Variants in CTBP2 observed in about 807,000 individuals in gnomAD.
CTBP2 encodes C-terminal-binding protein 2.
Under a neutral mutation model 80.3 loss-of-function variants are expected in CTBP2, and 30 were observed. The ratio of observed to expected loss-of-function variants is 0.37; its 90% CI spans 0.28 to 0.51. CTBP2 has a LOEUF of 0.51. CTBP2 is among the 20% of genes least tolerant of loss of function. The probability of loss-of-function intolerance (pLI) is 0.93; values close to 1 mark genes in which losing one functional copy is unlikely to be tolerated. For synonymous variants in CTBP2, 594 were observed against 587.4 expected, an observed-to-expected ratio of 1.01 and a Z score of -0.16; for missense variants, 1,212 against 1,375.3, an observed-to-expected ratio of 0.88 and a Z score of 1.88.
At chr10:125,101,656 TCACGAC>T (rs1850642122) in intron 2 of CTBP2, among the ~76,000 whole-genome samples, 2 of 152,148 alleles carry the variant, frequency 1.3e-5, no homozygotes, top group Non-Finnish European at 2.9e-5. Flanking sequence ...CAGCAGACCT[TCACGAC>T]CAAGAAAGGT....
intron 1 of CTBP2, among the ~76,000 whole-genome samples, chr10:125,115,814 A>G (rs58308339): frequency 0.1 from 15,728 of 152,192 alleles, 1,161 homozygotes; most frequent in African/African-American, 0.2. Context: ...ATCCTGTGGT[A>G]TGGCTGTGCT....
At position 124,987,913 on chromosome 10, in the gene CTBP2, A is replaced by G. The variant is rs1361817814; in HGVS notation, c.*1605T>C. The G allele has an allele frequency of 6.6e-6, 1 of 152,454 alleles. No homozygotes were observed. Among genetic ancestry groups the G allele is most frequent in the Non-Finnish European group, 1.5e-5 (1 of 68,034 alleles). The allele number at this position is 152,454 out of a possible 1,614,324, so 9.4% of individuals were successfully genotyped here. A position where few individuals can be genotyped will look rare whatever the true frequency, so the allele number is the denominator to read the frequency against. On this transcript the variant is annotated 3_prime_UTR_variant, in exon 9 of 9. Transcript: ENST00000309035. ...ATCCATTAAATCAAGCTCTTAACTC[A>G]TGGGACTATTTGCAACACTTCTTTG...
At chr10:125,041,134 T>C (rs1391917253) in intron 2 of CTBP2, among the ~76,000 whole-genome samples, 3 of 152,348 alleles carry the variant, frequency 2.0e-5, no homozygotes, top group Middle Eastern at 3.4e-3. Context: ...CAGGCTGGAA[T>C]GCAGGGGCAA....
At chr10:125,093,445 C>T (rs1849082672) in intron 2 of CTBP2, among the ~76,000 whole-genome samples, 1 of 152,172 alleles carries the variant, frequency 6.6e-6, no homozygotes, top group Non-Finnish European at 1.5e-5. Context: ...GCAGATTTTC[C>T]ACATTAAAAG....
chr10:125,003,705 G>A (rs957846539), intron 1 of CTBP2, among the ~76,000 whole-genome samples: 5 of 151,858 alleles, frequency 3.3e-5, no homozygotes, highest in African/African-American at 1.2e-4. Context: ...GGCTGGAGAC[G>A]CACACGGCTG....
Position 125,024,335 on chromosome 10 carries a change from G to A in CTBP2, c.1678+1747C>T, listed in dbSNP as rs950319096. Among the ~76,000 whole-genome samples, 9 of 152,192 alleles carry A rather than the reference G, an allele frequency of 5.9e-5. No homozygotes were observed. The East Asian group carries it at 1.5e-3, about 26-fold the overall frequency. On this transcript the variant is annotated intron_variant, in intron 1 of 8. Coordinates refer to ENST00000309035, the MANE Select transcript of CTBP2 (RefSeq NM_022802.3). ...ATTTAACAGAGACATTTGATTTGCT[G>A]GCTGGCTTCTGCCTGCAGACTTCCC... is the stretch of plus-strand genomic sequence containing the variant.
intron 2 of CTBP2, among the ~76,000 whole-genome samples, chr10:125,108,226 G>A (rs1456541531): frequency 2.0e-5 from 3 of 152,346 alleles, no homozygotes; most frequent in Non-Finnish European, 1.5e-5. Flanking sequence ...GGAGAAGGCT[G>A]AAGTGTTTGA....
At chr10:125,008,080 G>A (rs1176586007) in intron 1 of CTBP2, among the ~76,000 whole-genome samples, 1 of 152,098 alleles carries the variant, frequency 6.6e-6, no homozygotes. Context: ...CCAAATAGCT[G>A]AGACTACAGG....
intron 2 of CTBP2, among the ~76,000 whole-genome samples, chr10:125,046,494 C>A: frequency 6.8e-6 from 1 of 147,082 alleles, no homozygotes; most frequent in Admixed American, 7.0e-5. Flanking sequence ...GCTGAGATCC[C>A]GCCACTGCAC....
chr10:125,023,883 A>C (rs1957292641), intron 1 of CTBP2, among the ~76,000 whole-genome samples: 1 of 152,214 alleles, frequency 6.6e-6, no homozygotes, highest in East Asian at 1.9e-4. Context: ...CCCATCCCGA[A>C]GGGGAGAAGA....
chr10:125,026,014 T>A, intron 1 of CTBP2: 2 of 1,513,500 alleles, frequency 1.3e-6, no homozygotes, highest in East Asian at 2.3e-5. Flanking sequence ...ATGTTCAAAC[T>A]TCTACAACCC....
rs1033228511 is a variant in CTBP2, at chr10:125,048,004, C to T, written c.-101-8849G>A. Among the ~76,000 whole-genome samples, 29 of 152,284 alleles carry T rather than the reference C, an allele frequency of 1.9e-4. 1 individual carries two copies. The highest frequency in any genetic ancestry group is 1.8e-3 in the Admixed American group (28 of 15,306). On this transcript the variant is annotated intron_variant, in intron 2 of 10. Coordinates refer to the CTBP2 transcript ENST00000337195. The stretch of plus-strand genomic sequence containing the variant: ...CCTCAGAGAGGCCTGGAATCCTCGA[C>T]TGATTTTATGGGGCCTCTACTGTCC...
intron 1 of CTBP2, among the ~76,000 whole-genome samples, chr10:125,148,356 C>A (rs1345321628): frequency 6.6e-6 from 1 of 152,170 alleles, no homozygotes; most frequent in South Asian, 2.1e-4. Context: ...CAGCTACAGG[C>A]GTGACCAAAA....
intron 2 of CTBP2, among the ~76,000 whole-genome samples, chr10:125,052,607 G>A (rs1414494891): frequency 6.6e-6 from 1 of 152,184 alleles, no homozygotes; most frequent in African/African-American, 2.4e-5. Flanking sequence ...ATCCCCACAC[G>A]GCCCACAGAG....
chr10:125,158,215 C>T (rs1034341369), intron 1 of CTBP2, among the ~76,000 whole-genome samples: 1 of 151,978 alleles, frequency 6.6e-6, no homozygotes, highest in Non-Finnish European at 1.5e-5. Context: ...ATGAAAACTA[C>T]CCACTTCTAC....
chr10:125,104,539 A>G (rs1851162658), intron 2 of CTBP2, among the ~76,000 whole-genome samples: 1 of 152,206 alleles, frequency 6.6e-6, no homozygotes, highest in Non-Finnish European at 1.5e-5. Context: ...TTCTCAGGAT[A>G]AGTGCAGAAA....
At chr10:125,135,956 C>T (rs1002597238) in intron 1 of CTBP2, among the ~76,000 whole-genome samples, 2 of 152,228 alleles carry the variant, frequency 1.3e-5, no homozygotes, top group Non-Finnish European at 2.9e-5. Flanking sequence ...CCATCCCTTC[C>T]GGCCCACGAG....
At position 125,042,656 on chromosome 10, in the gene CTBP2, A is replaced by G. The variant is rs71488641; in HGVS notation, c.-101-3501T>C. Among the ~76,000 whole-genome samples, 477 of 152,150 alleles carry G rather than the reference A, an allele frequency of 3.1e-3. 5 individuals are homozygous for G. The highest frequency in any genetic ancestry group is 0.024 in the Middle Eastern group (7 of 294). On this transcript the variant is annotated intron_variant, in intron 2 of 10. Transcript: ENST00000337195. ...ATGGGATGTCACTGTGATGTCCCAG[A>G]GTGGCAGTGAGGACCAGCCAGTGAG...
chr10:125,079,661 G>A (rs1470355751), intron 2 of CTBP2, among the ~76,000 whole-genome samples: 1 of 152,166 alleles, frequency 6.6e-6, no homozygotes, highest in South Asian at 2.1e-4. Context: ...GTCCCAATAT[G>A]GACTAAATAA....
Sources: gnomAD v4.1 joint callset for allele counts (sites outside exome capture counted in the v4.1 genomes callset) on GRCh38, gnomAD v4.1.1 for gene constraint, MANE v1.5 for transcripts, NCBI Gene and HGNC (gene_info 2026-07-23, HGNC 2026-07-21) for gene names.